TENM2: variants seen among roughly 807,000 people sequenced by gnomAD.
The protein encoded by TENM2 is teneurin transmembrane protein 2, also known as teneurin-2.
Under a neutral mutation model 245.2 loss-of-function variants are expected in TENM2, and 52 were observed. The observed-to-expected ratio is 0.21, with a 90% CI of 0.17 to 0.27. TENM2 has a LOEUF of 0.27. Among genes scored for constraint, TENM2 ranks in the 10% least tolerant of loss-of-function variants. TENM2 has a pLI of 1.00. For synonymous variants in TENM2, 1,363 were observed against 1,438.9 expected (o/e 0.95, Z 1.19); for missense variants, 3,046 against 3,666.8 (o/e 0.83, Z 4.37).
the TENM2 span, among the ~76,000 whole-genome samples, chr5:167,175,451 A>C: frequency 6.6e-6 from 1 of 152,382 alleles, no homozygotes; most frequent in South Asian, 2.1e-4. Context: ...AATATGGATT[A>C]CTTTTTTGTG....
At chr5:167,229,036 C>A in the TENM2 span, among the ~76,000 whole-genome samples, 5 of 152,286 alleles carry the variant, frequency 3.3e-5, no homozygotes, top group East Asian at 9.6e-4. Flanking sequence ...GGGAGTTTCA[C>A]CCCCGCCACC....
At chr5:167,554,008 C>T (rs1022735326) in intron 2 of TENM2, among the ~76,000 whole-genome samples, 7 of 152,204 alleles carry the variant, frequency 4.6e-5, no homozygotes, top group South Asian at 2.1e-4. Context: ...TGGCACATGG[C>T]GAGGAGTTTC....
intron 2 of TENM2, among the ~76,000 whole-genome samples, chr5:167,608,629 C>T (rs1777227361): frequency 6.6e-6 from 1 of 152,228 alleles, no homozygotes; most frequent in South Asian, 2.1e-4. Context: ...TGGCACCAAG[C>T]ACATTTGTCA....
chr5:168,103,488 C>T (rs747631674), intron 9 of TENM2, among the ~76,000 whole-genome samples: 7 of 152,054 alleles, frequency 4.6e-5, no homozygotes, highest in East Asian at 1.9e-4. Flanking sequence ...GACAGTTCCT[C>T]GTTACTCCTT....
intron 7 of TENM2, among the ~76,000 whole-genome samples, chr5:168,087,788 A>G (rs1305947069): frequency 6.6e-6 from 1 of 152,200 alleles, no homozygotes; most frequent in East Asian, 1.9e-4. Context: ...AATAAATTAT[A>G]TCATTTTAGG....
chr5:166,992,859 A>T, the TENM2 span, among the ~76,000 whole-genome samples: 4 of 152,344 alleles, frequency 2.6e-5, no homozygotes, highest in Non-Finnish European at 4.4e-5. Flanking sequence ...CTTCCTACAC[A>T]AATATGCCGC....
At chr5:167,121,945 G>A in the TENM2 span, among the ~76,000 whole-genome samples, 82 of 152,244 alleles carry the variant, frequency 5.4e-4, no homozygotes, top group African/African-American at 1.9e-3. Context: ...AGCTTCTAGA[G>A]AATCTCAAAA....
chr5:167,042,775 A>G, the TENM2 span, among the ~76,000 whole-genome samples: 1 of 152,204 alleles, frequency 6.6e-6, no homozygotes, highest in Admixed American at 6.5e-5. Flanking sequence ...ATCTCTGGTT[A>G]TTTACAACAA....
chr5:167,068,046 A>G, the TENM2 span, among the ~76,000 whole-genome samples: 2 of 152,186 alleles, frequency 1.3e-5, no homozygotes, highest in Non-Finnish European at 2.9e-5. Context: ...TTTCCTCAGG[A>G]TAAAGGAAGT....
chr5:167,932,357 CATT>C, intron 3 of TENM2, among the ~76,000 whole-genome samples: 1 of 152,256 alleles, frequency 6.6e-6, no homozygotes, highest in African/African-American at 2.4e-5. Context: ...GTAGCTGTCT[CATT>C]ATTAATTATT....
chr5:168,206,072 G>A lies in TENM2; in HGVS notation c.3824+1451G>A, dbSNP rs183711108. The stretch of plus-strand genomic sequence containing the variant: ...ATAAGGAACGAACAAAGACAGAAAC[G>A]AATCAAGGGCCCTGCCTAGGATTTT... On this transcript the variant is annotated intron_variant, in intron 19 of 28. Coordinates refer to ENST00000518659, the Ensembl canonical transcript of TENM2. 2.0e-4 allele frequency among the ~76,000 whole-genome samples: 31 copies of A among 152,342 alleles called. No homozygotes were observed. In the East Asian group the frequency reaches 4.8e-3, roughly 24 times the overall value.
the TENM2 span, among the ~76,000 whole-genome samples, chr5:167,198,246 GT>G: frequency 5.3e-5 from 8 of 152,068 alleles, no homozygotes; most frequent in Non-Finnish European, 1.2e-4. Context: ...TAGGATCTAA[GT>G]TTTAAATAAG....
At chr5:167,851,420 A>T (rs1188328391) in intron 2 of TENM2, among the ~76,000 whole-genome samples, 5 of 152,198 alleles carry the variant, frequency 3.3e-5, no homozygotes, top group Non-Finnish European at 5.9e-5. Context: ...ATTTTAAGCA[A>T]GATTTTTCAC....
the TENM2 span, among the ~76,000 whole-genome samples, chr5:167,236,126 T>G: frequency 6.6e-6 from 1 of 152,150 alleles, no homozygotes; most frequent in African/African-American, 2.4e-5. Context: ...GTGTATTACC[T>G]TGTCTACACC....
At chr5:167,333,733 C>T (rs921528279) in intron 1 of TENM2, among the ~76,000 whole-genome samples, 1 of 152,126 alleles carries the variant, frequency 6.6e-6, no homozygotes, top group Non-Finnish European at 1.5e-5. Context: ...ATCAACATGA[C>T]AGGGAAGGTA....
At chr5:167,586,017 G>A (rs278011) in intron 2 of TENM2, among the ~76,000 whole-genome samples, 9,039 of 152,066 alleles carry the variant, frequency 0.059, 631 homozygotes, top group African/African-American at 0.17. Flanking sequence ...CCCAGTACTC[G>A]GGAGGCTGAG....
intron 25 of TENM2, among the ~76,000 whole-genome samples, chr5:168,242,371 C>G (rs554724778): frequency 1.1e-3 from 172 of 152,276 alleles, no homozygotes; most frequent in African/African-American, 3.2e-3. Flanking sequence ...GCTTCACAGT[C>G]TGTTCATCAT....
intron 5 of TENM2, among the ~76,000 whole-genome samples, chr5:168,030,224 A>G (rs987478771): frequency 1.8e-5 from 2 of 110,374 alleles, no homozygotes; most frequent in African/African-American, 3.7e-5. Flanking sequence ...TCTTTTCCAT[A>G]TTGCGTCCTC....
intron 2 of TENM2, among the ~76,000 whole-genome samples, chr5:167,384,219 A>T (rs1485578419): frequency 6.6e-6 from 1 of 152,220 alleles, no homozygotes; most frequent in African/African-American, 2.4e-5. Context: ...TTACAGAGAC[A>T]TTCCTGTCTA....
Sources: allele counts gnomAD v4.1 joint callset (sites outside exome capture counted in the v4.1 genomes callset), GRCh38; gene constraint gnomAD v4.1.1; transcripts MANE v1.5; gene names NCBI Gene and HGNC (gene_info 2026-07-23, HGNC 2026-07-21).